ITGBL1: variants seen among roughly 807,000 people sequenced by gnomAD.
ITGBL1 encodes integrin beta-like protein 1.
Under a neutral mutation model 68.5 loss-of-function variants are expected in ITGBL1, and 51 were observed. The observed-to-expected ratio is 0.74, with a 90% CI of 0.59 to 0.94. The LOEUF (loss-of-function observed/expected upper bound fraction) is 0.94, where lower values mean the gene tolerates loss of function less well. ITGBL1 is among the 40% of genes least tolerant of loss of function. The probability of loss-of-function intolerance (pLI) is 0.00; values close to 1 mark genes in which losing one functional copy is unlikely to be tolerated. For synonymous variants in ITGBL1, 209 were observed against 227.3 expected (o/e 0.92, Z 0.72); for missense variants, 649 against 647.4 (o/e 1.00, Z -0.03).
At chr13:101,700,134 G>A (rs1401653957) in intron 8 of ITGBL1, among the ~76,000 whole-genome samples, 2 of 152,170 alleles carry the variant, frequency 1.3e-5, no homozygotes, top group African/African-American at 4.8e-5. Flanking sequence ...TGTTCTCTGA[G>A]CAGCAGCTTG....
intron 2 of ITGBL1, among the ~76,000 whole-genome samples, chr13:101,543,270 CA>C (rs1354537485): frequency 3.3e-5 from 5 of 152,176 alleles, no homozygotes; most frequent in African/African-American, 1.2e-4. Context: ...CAAAATCTCT[CA>C]GCATTTGCTT....
At chr13:101,628,065 A>ACCAGCAT (rs71125011) in intron 7 of ITGBL1, among the ~76,000 whole-genome samples, 2 of 152,198 alleles carry the variant, frequency 1.3e-5, no homozygotes, top group African/African-American at 4.8e-5. Flanking sequence ...CCCACCAGCA[A>ACCAGCAT]TGAATGAAAG....
intron 2 of ITGBL1, among the ~76,000 whole-genome samples, chr13:101,503,343 G>A (rs914213233): frequency 1.2e-4 from 19 of 152,144 alleles, no homozygotes; most frequent in African/African-American, 4.6e-4. Flanking sequence ...GGTTCAGGAG[G>A]TGTGTACTCC....
intron 7 of ITGBL1, among the ~76,000 whole-genome samples, chr13:101,689,943 G>A (rs2033846930): frequency 6.6e-6 from 1 of 152,138 alleles, no homozygotes; most frequent in Non-Finnish European, 1.5e-5. Flanking sequence ...CTACCAAACA[G>A]TACGTCTTAT....
At chr13:101,483,188 G>C (rs2048651262) in intron 2 of ITGBL1, among the ~76,000 whole-genome samples, 1 of 133,016 alleles carries the variant, frequency 7.5e-6, no homozygotes, top group Non-Finnish European at 1.8e-5. Context: ...CCAGTGGACA[G>C]AGAAATTATC....
intron 2 of ITGBL1, among the ~76,000 whole-genome samples, chr13:101,541,194 CATAG>C (rs1016003512): frequency 6.7e-6 from 1 of 150,012 alleles, no homozygotes; most frequent in African/African-American, 2.5e-5. Flanking sequence ...GTGGGTTTGT[CATAG>C]ATAGCTCTTA....
At chr13:101,625,022 G>T (rs906939698) in intron 7 of ITGBL1, among the ~76,000 whole-genome samples, 1 of 152,144 alleles carries the variant, frequency 6.6e-6, no homozygotes, top group Non-Finnish European at 1.5e-5. Flanking sequence ...AGTATATAAT[G>T]GTTCCCTGCC....
intron 7 of ITGBL1, among the ~76,000 whole-genome samples, chr13:101,613,632 T>C (rs989281798): frequency 6.6e-6 from 1 of 151,968 alleles, no homozygotes; most frequent in East Asian, 1.9e-4. Flanking sequence ...GGAAAACAAT[T>C]TCAGACTCAA....
At chr13:101,633,408 C>CCATCT (rs1426820581) in intron 7 of ITGBL1, among the ~76,000 whole-genome samples, 16 of 152,282 alleles carry the variant, frequency 1.1e-4, no homozygotes, top group African/African-American at 3.8e-4. Flanking sequence ...AGTTCTTAAG[C>CCATCT]CATCTCGTTG....
rs148120688 is a variant in ITGBL1, at chr13:101,563,297, T to G, written c.317-4402T>G. 6.7e-4 allele frequency among the ~76,000 whole-genome samples: 100 copies of G among 150,114 alleles called. 1 individual carries two copies. In the East Asian group the frequency reaches 0.011, roughly 17 times the overall value. On this transcript the variant is annotated intron_variant, in intron 2 of 10. Coordinates refer to ENST00000376180, the MANE Select transcript of ITGBL1 (RefSeq NM_004791.3). ...AGGAGAAGGAAGAAAATAATAAAGA[T>G]TAGAGAAAAAAATAGTGAAATTGAA...
At chr13:101,465,867 G>T (rs1349232676) in intron 2 of ITGBL1, among the ~76,000 whole-genome samples, 1 of 152,190 alleles carries the variant, frequency 6.6e-6, no homozygotes, top group Admixed American at 6.5e-5. Context: ...TATGGCTATG[G>T]AATAAATATT....
intron 2 of ITGBL1, among the ~76,000 whole-genome samples, chr13:101,546,164 G>T (rs988943521): frequency 6.6e-6 from 1 of 152,046 alleles, no homozygotes; most frequent in African/African-American, 2.4e-5. Context: ...AATTAAACTG[G>T]TCACATGCAT....
At chr13:101,531,221 T>C (rs1213330344) in intron 2 of ITGBL1, among the ~76,000 whole-genome samples, 1 of 152,162 alleles carries the variant, frequency 6.6e-6, no homozygotes, top group Non-Finnish European at 1.5e-5. Context: ...GTAATGTAAG[T>C]GACTAAAAGT....
intron 5 of ITGBL1, among the ~76,000 whole-genome samples, chr13:101,581,592 TC>T (rs1371881251): frequency 1.3e-5 from 2 of 152,202 alleles, no homozygotes; most frequent in African/African-American, 4.8e-5. Context: ...TGTTTATCTT[TC>T]CATATTTATG....
intron 5 of ITGBL1, among the ~76,000 whole-genome samples, chr13:101,581,968 T>C (rs1267663844): frequency 1.3e-5 from 2 of 152,218 alleles, no homozygotes; most frequent in Non-Finnish European, 2.9e-5. Flanking sequence ...ATCTGACTTC[T>C]AAAATAATTG....
At chr13:101,698,278 A>G (rs2034048580) in intron 8 of ITGBL1, among the ~76,000 whole-genome samples, 1 of 152,236 alleles carries the variant, frequency 6.6e-6, no homozygotes. Context: ...AATAAGTAAG[A>G]TAAAAAACAT....
At chr13:101,573,466 AG>A (rs908641690) in intron 3 of ITGBL1, among the ~76,000 whole-genome samples, 101 of 152,298 alleles carry the variant, frequency 6.6e-4, no homozygotes, top group African/African-American at 2.0e-3. Flanking sequence ...GGATATTGTC[AG>A]CATCCATAAA....
At chr13:101,529,276 AG>A (rs1396630659) in intron 2 of ITGBL1, among the ~76,000 whole-genome samples, 1 of 152,056 alleles carries the variant, frequency 6.6e-6, no homozygotes, top group African/African-American at 2.4e-5. Context: ...AGAAAAAAAA[AG>A]CAAGGGAAAG....
At chr13:101,650,377 T>C (rs947563218) in intron 7 of ITGBL1, among the ~76,000 whole-genome samples, 9 of 152,300 alleles carry the variant, frequency 5.9e-5, no homozygotes, top group African/African-American at 2.2e-4. Flanking sequence ...AATACTTGAA[T>C]GTTTGTATTA....
Sources: allele counts gnomAD v4.1 joint callset (sites outside exome capture counted in the v4.1 genomes callset), GRCh38; gene constraint gnomAD v4.1.1; transcripts MANE v1.5; gene names NCBI Gene and HGNC (gene_info 2026-07-23, HGNC 2026-07-21).